The following BRCA2 variants were observed in gnomAD, a reference collection of about 807,000 sequenced individuals.
BRCA2 encodes BRCA2 DNA repair associated, also known as breast cancer type 2 susceptibility protein.
In BRCA2, 203 loss-of-function variants were observed where a neutral mutation model predicts 276.7. The observed-to-expected ratio is 0.73, with a 90% CI of 0.65 to 0.82. The LOEUF (loss-of-function observed/expected upper bound fraction) is 0.82. BRCA2 is among the 40% of genes least tolerant of loss of function. The pLI, the probability that BRCA2 is intolerant of heterozygous loss-of-function variation, is 0.00. For synonymous variants in BRCA2, 1,289 were observed against 1,338.4 expected, an observed-to-expected ratio of 0.96 and a Z score of 0.81; for missense variants, 3,920 against 3,915.0, an observed-to-expected ratio of 1.00 and a Z score of -0.03.
rs1011953500 is a variant in BRCA2, at chr13:32,361,693, G to C, written c.7806-830G>C. ...GAAGAGGGCAAAGTGTAAGGATGCA[G>C]ATGCTTGGAAGAGGGCAAAGTGTAG... is the stretch of plus-strand genomic sequence containing the variant. On this transcript the variant is annotated intron_variant, in intron 16 of 26. Coordinates refer to ENST00000380152, the MANE Select transcript of BRCA2 (RefSeq NM_000059.4). Among the ~76,000 whole-genome samples, 7 of 152,168 alleles carry C rather than the reference G, an allele frequency of 4.6e-5. 1 individual carries two copies. The highest frequency in any genetic ancestry group is 3.9e-4 in the Admixed American group (6 of 15,286).
intron 3 of BRCA2, 24 bp from the exon 4 acceptor site, chr13:32,325,052 C>T (rs2072333531): frequency 1.4e-6 from 2 of 1,459,272 alleles, no homozygotes; most frequent in Non-Finnish European, 1.9e-6. Flanking sequence ...TATACATTCT[C>T]ACTGAATTAT....
rs397507715 is a variant in BRCA2 at position 32,338,732 on chromosome 13, CTT to C, written c.4380_4381del (p.Ser1461LeufsTer4). The C allele has an allele frequency of 6.2e-7, 1 of 1,600,140 alleles. No homozygotes were observed. The highest frequency in any genetic ancestry group is 1.1e-5 in the South Asian group (1 of 88,672). On this transcript the variant is annotated frameshift_variant, in exon 11 of 27. Coordinates refer to ENST00000380152, the MANE Select transcript of BRCA2 (RefSeq NM_000059.4). LOFTEE classifies it high-confidence loss of function. ...ATCAGAAACCAGAAGAATTGCATAACTTTTCCTTAAATTCTGAATTACATTCT... is the reference window on the plus strand; with the variant it reads ...ATCAGAAACCAGAAGAATTGCATAACTTCCTTAAATTCTGAATTACATTCT... ...FDQKPEELHN[F>X]SLNSELHSDI...
At position 32,398,740 on chromosome 13, in the gene BRCA2, G is replaced by T. The variant is rs2073057447; in HGVS notation, c.10227G>T (p.Gln3409His). The change falls in exon 27 of 27, where the codon CAG becomes CAT. Residue 3409 changes from glutamine to histidine, a missense_variant. Gln to His is a conservative substitution (Grantham distance 24). Around this residue, in one of 2 missense-constraint regions of BRCA2, gnomAD observed 657 missense variants for 758.2 expected, o/e 0.87. Coordinates refer to ENST00000380152, the MANE Select transcript of BRCA2 (RefSeq NM_000059.4). ...CGGAAGAATGTGAGAAAAATAAGCA[G>T]GACACAATTACAACTAAAAAATATA... is the stretch of plus-strand genomic sequence containing the variant. Reference protein sequence around the residue: ...ASTEECEKNKQDTITTKKYI With the variant: ...ASTEECEKNKHDTITTKKYI 6.2e-7 allele frequency: 1 copy of T among 1,613,688 alleles called. No individual in the cohort carries two copies. The highest frequency in any genetic ancestry group is 8.5e-7 in the Non-Finnish European group (1 of 1,179,966).
chr13:32,321,414 GA>G (rs1329148636), intron 3 of BRCA2, among the ~76,000 whole-genome samples: 2 of 152,204 alleles, frequency 1.3e-5, no homozygotes, highest in Non-Finnish European at 2.9e-5. Flanking sequence ...CCAAGTGCAT[GA>G]AAAGTGAGCA....
At chr13:32,373,801 A>G (rs927995824) in intron 20 of BRCA2, among the ~76,000 whole-genome samples, 1 of 152,184 alleles carries the variant, frequency 6.6e-6, no homozygotes, top group African/African-American at 2.4e-5. Flanking sequence ...TTCCCCACTG[A>G]GGACTGTGGG....
At chr13:32,381,928 A>G (rs1454771245) in intron 24 of BRCA2, among the ~76,000 whole-genome samples, 1 of 152,176 alleles carries the variant, frequency 6.6e-6, no homozygotes, top group Admixed American at 6.5e-5. Flanking sequence ...AACATTGGGA[A>G]AAATGGAATT....
rs2137502077 is a variant in BRCA2, at chr13:32,338,369, C to T, written c.4014C>T (p.Gly1338=). 6.3e-7 allele frequency: 1 copy of T among 1,588,528 alleles called. No homozygotes were observed. The highest frequency in any genetic ancestry group is 8.5e-7 in the Non-Finnish European group (1 of 1,169,684). ...SRNSHNLEFD[G]SDSSKNDTVC... Reference sequence around the variant, plus strand: ...ATTCTCATAACTTAGAATTTGATGGCAGTGATTCAAGTAAAAATGATACTG... The same window carrying T: ...ATTCTCATAACTTAGAATTTGATGGTAGTGATTCAAGTAAAAATGATACTG... Residue 1338 remains glycine, a synonymous_variant, in exon 11 of 27, where the codon GGC becomes GGT. Transcript: ENST00000380152.
In BRCA2 at chr13:32,363,313, C is replaced by T. The variant is rs80359054; in HGVS notation, c.8111C>T (p.Ser2704Phe). The T allele has an allele frequency of 1.7e-5, 27 of 1,614,030 alleles. No homozygotes were observed. Among genetic ancestry groups the T allele is most frequent in the African/African-American group, 2.7e-5 (2 of 74,922 alleles). The change falls in exon 18 of 27, where the codon TCT becomes TTT. Residue 2704 changes from serine (S) to phenylalanine (F), a missense_variant. Around this residue, in one of 2 missense-constraint regions of BRCA2, gnomAD observed 3,263 missense variants for 3,156.9 expected, o/e 1.03. Transcript: ENST00000380152. ...TTGAGCGCAAATATATCTGAAACTT[C>T]TAGCAATAAAACTAGTAGTGCAGAT... ...ISLSANISETSSNKTSSADTQ... is the reference protein window; with the variant it reads ...ISLSANISETFSNKTSSADTQ...
chr13:32,361,792 T>A (rs369718127), intron 16 of BRCA2, among the ~76,000 whole-genome samples: 10 of 152,104 alleles, frequency 6.6e-5, no homozygotes, highest in African/African-American at 2.4e-4. Context: ...ACTTCTGTTG[T>A]CTTAGTGCTA....
intron 22 of BRCA2, 50 bp from the exon 23 acceptor site, chr13:32,379,699 TA>T: frequency 6.4e-7 from 1 of 1,574,500 alleles, no homozygotes; most frequent in East Asian, 2.2e-5. Flanking sequence ...AACAAACATT[TA>T]AATGATAATC....
At chr13:32,386,548 A>ATG (rs1283443093) in intron 24 of BRCA2, among the ~76,000 whole-genome samples, 1 of 152,132 alleles carries the variant, frequency 6.6e-6, no homozygotes, top group African/African-American at 2.4e-5. Flanking sequence ...TAATGAATCA[A>ATG]TGTGTGTGTG....
At chr13:32,389,240 A>G (rs1180127479) in intron 24 of BRCA2, among the ~76,000 whole-genome samples, 3 of 152,160 alleles carry the variant, frequency 2.0e-5, no homozygotes, top group Non-Finnish European at 2.9e-5. Context: ...TTTCTTCCCT[A>G]CTTTTAAATA....
intron 13 of BRCA2, among the ~76,000 whole-genome samples, chr13:32,349,646 T>C (rs1248586434): frequency 6.6e-6 from 1 of 151,800 alleles, no homozygotes; most frequent in Non-Finnish European, 1.5e-5. Context: ...TGAAACCCCA[T>C]CTCTGTTAAA....
At chr13:32,323,553 A>AGT (rs1393230897) in intron 3 of BRCA2, among the ~76,000 whole-genome samples, 4 of 152,164 alleles carry the variant, frequency 2.6e-5, no homozygotes, top group Non-Finnish European at 5.9e-5. Context: ...ATTTTGTTGA[A>AGT]GTGGGGTTTT....
intron 18 of BRCA2, among the ~76,000 whole-genome samples, chr13:32,368,515 C>G (rs937763676): frequency 4.7e-5 from 7 of 150,528 alleles, no homozygotes; most frequent in Admixed American, 2.0e-4. Flanking sequence ...TTTTTCTGCT[C>G]CCTGCATTTT....
At chr13:32,391,545 G>T (rs1250383542) in intron 24 of BRCA2, among the ~76,000 whole-genome samples, 1 of 152,326 alleles carries the variant, frequency 6.6e-6, no homozygotes, top group South Asian at 2.1e-4. Flanking sequence ...CACATGCCTT[G>T]GTCCTGAAGG....
chr13:32,325,636 G>A (rs2072339687), intron 4 of BRCA2, among the ~76,000 whole-genome samples: 1 of 151,630 alleles, frequency 6.6e-6, no homozygotes, highest in Non-Finnish European at 1.5e-5. Flanking sequence ...CGCCTCCCGG[G>A]TTCACGCCAT....
chr13:32,331,630 T>C (rs751263422), intron 9 of BRCA2, among the ~76,000 whole-genome samples: 19 of 152,106 alleles, frequency 1.2e-4, no homozygotes, highest in Non-Finnish European at 2.8e-4. Context: ...GACAGTACTA[T>C]TTAATATGTG....
Position 32,338,066 on chromosome 13 carries a change from T to C in BRCA2, c.3711T>C (p.Ala1237=), listed in dbSNP as rs745588537. Residue 1237 remains alanine (A), a synonymous_variant, in exon 11 of 27, where the codon GCT becomes GCC. Transcript: ENST00000380152. ...LNVSTEALQK[A]VKLFSDIENI... ...TTTCTACTGAAGCTCTGCAAAAAGCTGTGAAACTGTTTAGTGATATTGAGA... is the reference window on the plus strand; with the variant it reads ...TTTCTACTGAAGCTCTGCAAAAAGCCGTGAAACTGTTTAGTGATATTGAGA... The C allele has an allele frequency of 1.7e-5, 27 of 1,611,600 alleles. No individual in the cohort carries two copies. Among genetic ancestry groups the C allele is most frequent in the Non-Finnish European group, 2.2e-5 (26 of 1,179,006 alleles).
Sources: gnomAD v4.1 joint callset for allele counts (sites outside exome capture counted in the v4.1 genomes callset) on GRCh38, gnomAD v4.1.1 for gene constraint, gnomAD v4.1.1 regional missense constraint, MANE v1.5 for transcripts, NCBI Gene and HGNC (gene_info 2026-07-23, HGNC 2026-07-21) for gene names.